The following TBC1D30 variants were observed in gnomAD, a reference collection of about 807,000 sequenced individuals.
TBC1D30 encodes the protein TBC1 domain family, member 30.
Under a neutral mutation model 63.2 loss-of-function variants are expected in TBC1D30, and 31 were observed. The observed-to-expected ratio is 0.49, with a 90% CI of 0.37 to 0.66. The LOEUF is 0.66. Ranked by LOEUF, TBC1D30 falls within the 30% of genes least tolerant of loss-of-function variation. The pLI, the probability that TBC1D30 is intolerant of heterozygous loss-of-function variation, is 0.00. For synonymous variants in TBC1D30, 307 were observed against 361.5 expected, an observed-to-expected ratio of 0.85 and a Z score of 1.71; for missense variants, 810 against 953.6, an observed-to-expected ratio of 0.85 and a Z score of 1.98.
At chr12:64,841,647 G>T in intron 7 of TBC1D30, among the ~76,000 whole-genome samples, 1 of 152,194 alleles carries the variant, frequency 6.6e-6, no homozygotes, top group East Asian at 1.9e-4. Context: ...CCCAGTGCTG[G>T]TCTCGCTGGT....
intron 2 of TBC1D30, among the ~76,000 whole-genome samples, chr12:64,811,871 T>C (rs939543516): frequency 2.6e-5 from 4 of 152,230 alleles, no homozygotes; most frequent in African/African-American, 7.2e-5. Flanking sequence ...TGAACAAGTC[T>C]ACTTTCAGAA....
At chr12:64,769,702 A>G (rs1361362460) in intron 1 of TBC1D30, among the ~76,000 whole-genome samples, 1 of 151,968 alleles carries the variant, frequency 6.6e-6, no homozygotes, top group East Asian at 1.9e-4. Context: ...TTGTATTTTT[A>G]GTAAAGACAG....
At chr12:64,816,898 C>T (rs1247504743) in intron 2 of TBC1D30, among the ~76,000 whole-genome samples, 2 of 151,722 alleles carry the variant, frequency 1.3e-5, no homozygotes, top group Non-Finnish European at 2.9e-5. Context: ...GTGATCAGGG[C>T]ACAATGCAGC....
intron 10 of TBC1D30, among the ~76,000 whole-genome samples, chr12:64,870,156 TTAATG>T (rs1878538717): frequency 1.3e-5 from 2 of 152,220 alleles, no homozygotes; most frequent in Admixed American, 1.3e-4. Flanking sequence ...GTTACTACCT[TTAATG>T]TAAGAAGAAT....
intron 2 of TBC1D30, among the ~76,000 whole-genome samples, chr12:64,815,285 C>G (rs571684177): frequency 1.3e-5 from 2 of 152,124 alleles, no homozygotes; most frequent in African/African-American, 2.4e-5. Context: ...CTTAGTATGA[C>G]TTTTTGGCTC....
intron 8 of TBC1D30, among the ~76,000 whole-genome samples, chr12:64,850,134 CTT>C (rs1419860927): frequency 6.6e-6 from 1 of 152,182 alleles, no homozygotes; most frequent in Non-Finnish European, 1.5e-5. Context: ...TATCCTGACA[CTT>C]TGTTGAAGTT....
chr12:64,783,312 G>A (rs1192529181), intron 1 of TBC1D30, among the ~76,000 whole-genome samples: 1 of 152,132 alleles, frequency 6.6e-6, no homozygotes, highest in Non-Finnish European at 1.5e-5. Context: ...CTTACCAGCT[G>A]TGTGACCTTG....
At chr12:64,777,148 A>G (rs1871104817), upstream of TBC1D30, among the ~76,000 whole-genome samples, 1 of 152,192 alleles carries the variant, frequency 6.6e-6, no homozygotes, top group South Asian at 2.1e-4. Context: ...CGCAGCTAAT[A>G]TCCTACTGAA....
Position 64,780,962 on chromosome 12 carries a change from C to T in TBC1D30, c.154C>T (p.Pro52Ser), listed in dbSNP as rs961873955. Residue 52 changes from proline to serine, a missense_variant, in exon 1 of 13, where the codon CCG (proline) becomes TCG (serine). By Grantham distance (74) the Pro-to-Ser change is moderately conservative (BLOSUM62 -1). Coordinates refer to the TBC1D30 transcript ENST00000542120. ...GCGCCTCCGGGGAGCGGCGGAGCGG[C>T]CGCGGCGCTCCCGGGACACGTGGGA... 1.1e-5 allele frequency: 12 copies of T among 1,055,508 alleles called. No homozygotes were observed. In the African/African-American group the frequency reaches 2.1e-4, roughly 18 times the overall value. 65.4% of individuals were successfully genotyped at this position (1,055,508 alleles called of 1,614,324 possible).
Position 64,857,986 on chromosome 12 carries a change from G to T in TBC1D30, c.1039-6682G>T, listed in dbSNP as rs200532286. On this transcript the variant is annotated intron_variant, in intron 8 of 11. Coordinates refer to ENST00000539867, the MANE Select transcript of TBC1D30 (RefSeq NM_015279.2). Reference sequence around the variant, plus strand: ...ACTGCCAGGGGATTGGGGAGGGGTGGCATCCATGACTCAAGACTGTCTCTC... The same window carrying T: ...ACTGCCAGGGGATTGGGGAGGGGTGTCATCCATGACTCAAGACTGTCTCTC... Among the ~76,000 whole-genome samples the T allele has an allele frequency of 9.8e-5, 15 of 152,306 alleles. No homozygotes were observed. In the East Asian group the frequency reaches 1.7e-3, roughly 18 times the overall value.
intron 2 of TBC1D30, among the ~76,000 whole-genome samples, chr12:64,794,646 G>A (rs539175239): frequency 3.9e-5 from 6 of 152,096 alleles, no homozygotes; most frequent in Non-Finnish European, 7.4e-5. Context: ...CATTGCCCAG[G>A]CTGATCTCAA....
chr12:64,839,190 G>T (rs949891236), intron 7 of TBC1D30, among the ~76,000 whole-genome samples: 1 of 152,200 alleles, frequency 6.6e-6, no homozygotes, highest in African/African-American at 2.4e-5. Flanking sequence ...AGGAGTAGGT[G>T]AATTTGTTAG....
intron 2 of TBC1D30, among the ~76,000 whole-genome samples, chr12:64,803,765 C>T (rs1872714621): frequency 6.6e-6 from 1 of 152,122 alleles, no homozygotes; most frequent in African/African-American, 2.4e-5. Context: ...AATCCTTTCC[C>T]CATTTCTTGT....
chr12:64,869,099 T>A (rs1878450429), intron 10 of TBC1D30, among the ~76,000 whole-genome samples: 1 of 152,176 alleles, frequency 6.6e-6, no homozygotes, highest in African/African-American at 2.4e-5. Flanking sequence ...TCTTTTAGGA[T>A]ATTTATTCTA....
chr12:64,779,777 G>A (rs892085092), upstream of TBC1D30, among the ~76,000 whole-genome samples: 1 of 152,074 alleles, frequency 6.6e-6, no homozygotes. Flanking sequence ...TAGCCTCTTC[G>A]TGCCTCAGCT....
intron 1 of TBC1D30, among the ~76,000 whole-genome samples, chr12:64,769,363 G>A (rs1035362111): frequency 3.3e-5 from 5 of 151,368 alleles, no homozygotes; most frequent in African/African-American, 1.2e-4. Context: ...GCACCACCAC[G>A]CTCGGCTAAT....
chr12:64,838,753 C>T lies in TBC1D30; in HGVS notation c.834C>T (p.Leu278=). 3 of 1,536,512 alleles carry T rather than the reference C, an allele frequency of 2.0e-6. No homozygotes were observed. The highest frequency in any genetic ancestry group is 2.6e-6 in the Non-Finnish European group (3 of 1,147,008). The change falls in exon 7 of 12, where the codon CTC becomes CTT. Residue 278 remains leucine (L), a synonymous_variant. Transcript: ENST00000539867. The part of the protein sequence containing the change: ...QWFLTLFATC[L]PNQTVLKIWD... Reference sequence around the variant, plus strand: ...TTCTGACTCTCTTTGCCACATGCCTCCCTAATCAGACCGTTTTAAAGATCT... The same window carrying T: ...TTCTGACTCTCTTTGCCACATGCCTTCCTAATCAGACCGTTTTAAAGATCT...
At chr12:64,790,329 T>TA (rs936628719) in intron 2 of TBC1D30, among the ~76,000 whole-genome samples, 1 of 152,180 alleles carries the variant, frequency 6.6e-6, no homozygotes, top group Admixed American at 6.5e-5. Context: ...ATTAGAAGAA[T>TA]AAAAAGAGTA....
Position 64,774,704 on chromosome 12 carries a change from C to T in TBC1D30, c.-375-11177C>T, listed in dbSNP as rs1303053268. ...ATCTGGCCAAACTAAGCTTCATAAA[C>T]GAAGGAGAAATAAGATCCTTTTCAG... On this transcript the variant is annotated intron_variant, in intron 1 of 13. Transcript: ENST00000674237. Among the ~76,000 whole-genome samples, 4 of 152,024 alleles carry T rather than the reference C, an allele frequency of 2.6e-5. No homozygotes were observed. In the East Asian group the frequency reaches 5.8e-4, roughly 22 times the overall value.
Sources: allele counts gnomAD v4.1 joint callset (sites outside exome capture counted in the v4.1 genomes callset), GRCh38; gene constraint gnomAD v4.1.1; transcripts MANE v1.5; gene names NCBI Gene and HGNC (gene_info 2026-07-23, HGNC 2026-07-21).